Variants in KIAA0319L observed in about 807,000 individuals in gnomAD.
KIAA0319L encodes the protein dyslexia-associated protein KIAA0319-like protein.
In KIAA0319L, 55 loss-of-function variants were observed where a neutral mutation model predicts 120.1. The observed-to-expected ratio is 0.46, with a 90% CI of 0.37 to 0.57. The LOEUF (loss-of-function observed/expected upper bound fraction) is 0.57. KIAA0319L is among the 20% of genes least tolerant of loss of function. The pLI, the probability that KIAA0319L is intolerant of heterozygous loss-of-function variation, is 0.00. For synonymous variants in KIAA0319L, 398 were observed against 471.9 expected, an observed-to-expected ratio of 0.84 and a Z score of 2.03; for missense variants, 1,049 against 1,255.3, an observed-to-expected ratio of 0.84 and a Z score of 2.48.
intron 3 of KIAA0319L, among the ~76,000 whole-genome samples, chr1:35,499,745 AAC>A (rs1644937353): frequency 6.6e-6 from 1 of 151,962 alleles, no homozygotes; most frequent in Non-Finnish European, 1.5e-5. Flanking sequence ...TCCAAGAACT[AAC>A]ACAACAAAAA....
chr1:35,512,221 G>A (rs1275462519), intron 2 of KIAA0319L, among the ~76,000 whole-genome samples: 1 of 151,276 alleles, frequency 6.6e-6, no homozygotes, highest in Non-Finnish European at 1.5e-5. Flanking sequence ...TGAGCCAAGA[G>A]CATGCCACTG....
At chr1:35,525,975 A>G (rs1646109842) in intron 2 of KIAA0319L, among the ~76,000 whole-genome samples, 2 of 152,026 alleles carry the variant, frequency 1.3e-5, no homozygotes, top group African/African-American at 4.8e-5. Flanking sequence ...TGGGTCTCAC[A>G]TTTAAGTCTT....
chr1:35,501,614 C>T (rs148702289), intron 3 of KIAA0319L, among the ~76,000 whole-genome samples: 2,811 of 152,186 alleles, frequency 0.018, 92 homozygotes, highest in African/African-American at 0.065. Flanking sequence ...TGGTGGCTCA[C>T]GCCTGTAATA....
chr1:35,551,088 T>G (rs1018487422), intron 2 of KIAA0319L, among the ~76,000 whole-genome samples: 7 of 152,192 alleles, frequency 4.6e-5, no homozygotes, highest in Non-Finnish European at 7.3e-5. Context: ...TTTAGGGCTC[T>G]TGATATTTAT....
chr1:35,447,148 ACTGGACTAGT>A lies in KIAA0319L; in HGVS notation c.2513+1015_2513+1024del, dbSNP rs561247632. ...TTAATTCAGGTTTTATTACCTTTTC[ACTGGACTAGT>A]CCAGAAGCTTCCTGAATGGTCTCCC... On this transcript the variant is annotated intron_variant, in intron 16 of 20. Transcript: ENST00000325722. Among the ~76,000 whole-genome samples, 524 of 151,566 alleles carry A rather than the reference ACTGGACTAGT, an allele frequency of 3.5e-3. 3 individuals are homozygous for A. Among genetic ancestry groups the A allele is most frequent in the Middle Eastern group, 6.8e-3 (2 of 294 alleles).
At chr1:35,534,871 A>G (rs1570986277) in intron 2 of KIAA0319L, among the ~76,000 whole-genome samples, 1 of 145,350 alleles carries the variant, frequency 6.9e-6, no homozygotes, top group African/African-American at 2.5e-5. Context: ...AAAAAAAAAA[A>G]AAAAAAAAAA....
chr1:35,556,920 AG>A (rs1648171214), intron 1 of KIAA0319L: 1 of 152,330 alleles, frequency 6.6e-6, no homozygotes, highest in Non-Finnish European at 1.5e-5. Flanking sequence ...CAGAGGTCGA[AG>A]GTGGAAGAAG....
chr1:35,462,453 T>C (rs1642964911), intron 8 of KIAA0319L, among the ~76,000 whole-genome samples, 168 bp downstream of exon 8: 1 of 152,232 alleles, frequency 6.6e-6, no homozygotes, highest in South Asian at 2.1e-4. Context: ...GTCTGGTGTG[T>C]TGCTTTTCAG....
intron 10 of KIAA0319L, among the ~76,000 whole-genome samples, chr1:35,455,325 G>A (rs1311422010): frequency 6.6e-6 from 1 of 152,082 alleles, no homozygotes; most frequent in South Asian, 2.1e-4. Context: ...CTTTAGTCAG[G>A]GCTTAAGTTC....
At chr1:35,479,962 A>AC (rs200923874) in intron 3 of KIAA0319L, among the ~76,000 whole-genome samples, 4,574 of 146,356 alleles carry the variant, frequency 0.031, 239 homozygotes, top group African/African-American at 0.1. Context: ...AAAAAAAAAA[A>AC]AAAAAAAAAA....
rs149564116 is a variant in KIAA0319L, at chr1:35,535,683, G to A, written c.142+18667C>T. 6.4e-3 allele frequency among the ~76,000 whole-genome samples: 977 copies of A among 152,232 alleles called. 16 individuals carry two copies. Among genetic ancestry groups the A allele is most frequent in the African/African-American group, 0.018 (768 of 41,540 alleles). ...TATATTAGTTGCCATTATTTATGTT[G>A]TTGTTGTTATACTTCATTTTAGCTC... On this transcript the variant is annotated intron_variant, in intron 2 of 20. Transcript: ENST00000325722.
At position 35,453,698 on chromosome 1, in the gene KIAA0319L, CAA is replaced by C. The variant is rs758766169; in HGVS notation, c.1781-11_1781-10del. 3 of 1,611,256 alleles carry C rather than the reference CAA, an allele frequency of 1.9e-6. No homozygotes were observed. Among genetic ancestry groups the C allele is most frequent in the South Asian group, 2.2e-5 (2 of 90,756 alleles). On this transcript the variant is annotated splice_polypyrimidine_tract_variant and intron_variant, in intron 11 of 20. Coordinates refer to ENST00000325722, the MANE Select transcript of KIAA0319L (RefSeq NM_024874.5). This position sits in a 1 kb window ranked among gnomAD's most constrained non-coding sequence, Gnocchi z 4.1. ...AGGAGGCTTATTGTTTTCTGGAAGACAAAGAGTTAGAGGTCAAAAGCAGCCAG... is the reference window on the plus strand; with the variant it reads ...AGGAGGCTTATTGTTTTCTGGAAGACAGAGTTAGAGGTCAAAAGCAGCCAG...
chr1:35,553,353 T>TAA (rs771119609), intron 2 of KIAA0319L, among the ~76,000 whole-genome samples: 9,565 of 136,856 alleles, frequency 0.07, 785 homozygotes, highest in East Asian at 0.44. Context: ...TCATCTGGGG[T>TAA]AAAAAAAAAA....
At chr1:35,454,265 C>T (rs1300496287) in intron 11 of KIAA0319L, 97 bp downstream of exon 11, 1 of 1,342,568 alleles carries the variant, frequency 7.4e-7, no homozygotes, top group Non-Finnish European at 1.0e-6. Context: ...GTGCCTTCTG[C>T]TTCTACCCTC....
chr1:35,548,457 T>C (rs1029481071), intron 2 of KIAA0319L, among the ~76,000 whole-genome samples: 1 of 152,306 alleles, frequency 6.6e-6, no homozygotes, highest in Middle Eastern at 3.4e-3. Context: ...TAAAGTATTA[T>C]AGTGTTTGCC....
In KIAA0319L at chr1:35,457,860, A is replaced by T. The variant is rs117362273; in HGVS notation, c.1428-1619T>A. On this transcript the variant is annotated intron_variant, in intron 9 of 20. Transcript: ENST00000325722. ...CACAAACATGTACCAATCAGCAGATATCTGAAAAACAAAAATTTACAGAAG... is the reference window on the plus strand; with the variant it reads ...CACAAACATGTACCAATCAGCAGATTTCTGAAAAACAAAAATTTACAGAAG... 7.9e-4 allele frequency among the ~76,000 whole-genome samples: 120 copies of T among 152,368 alleles called. No homozygotes were observed. In the East Asian group the frequency reaches 0.021, roughly 27 times the overall value.
intron 3 of KIAA0319L, among the ~76,000 whole-genome samples, chr1:35,479,596 C>T (rs1043754415): frequency 6.6e-6 from 1 of 151,736 alleles, no homozygotes; most frequent in Non-Finnish European, 1.5e-5. Context: ...GCACTGAAAG[C>T]ATAATAAGCC....
intron 2 of KIAA0319L, among the ~76,000 whole-genome samples, chr1:35,518,402 G>C (rs1645769556): frequency 6.6e-6 from 1 of 152,170 alleles, no homozygotes. Context: ...AAGAGATCAT[G>C]TCTTTTGCAG....
At chr1:35,537,813 G>C (rs1442878222) in intron 2 of KIAA0319L, among the ~76,000 whole-genome samples, 1 of 152,080 alleles carries the variant, frequency 6.6e-6, no homozygotes, top group Non-Finnish European at 1.5e-5. Context: ...TAGAATTTTT[G>C]AGAGCCAGTT....
Sources: allele counts gnomAD v4.1 joint callset (sites outside exome capture counted in the v4.1 genomes callset), GRCh38; gene constraint gnomAD v4.1.1; non-coding constraint Gnocchi (gnomAD v3.1); transcripts MANE v1.5; gene names NCBI Gene and HGNC (gene_info 2026-07-23, HGNC 2026-07-21).